Variants in DCHS2 observed in about 807,000 individuals in gnomAD.
DCHS2 encodes the protein protocadherin-23.
Under a neutral mutation model 182.4 loss-of-function variants are expected in DCHS2, and 142 were observed. The observed-to-expected ratio is 0.78, with a 90% confidence interval of 0.68 to 0.89. The LOEUF is 0.89. Among genes scored for constraint, DCHS2 ranks in the 40% least tolerant of loss-of-function variants. The pLI is 0.00. For missense variants in DCHS2, 4,319 were observed against 4,198.6 expected (o/e 1.03, Z -0.79); for synonymous variants, 1,740 against 1,663.3 (o/e 1.05, Z -1.12).
chr4:154,299,815 A>G (rs1408581065), intron 12 of DCHS2, among the ~76,000 whole-genome samples: 1 of 152,192 alleles, frequency 6.6e-6, no homozygotes, highest in Admixed American at 6.5e-5. Context: ...ACCTAGCTCC[A>G]AGAGTTCACA....
chr4:154,435,910 G>A (rs1392850215), intron 1 of DCHS2, among the ~76,000 whole-genome samples: 1 of 152,192 alleles, frequency 6.6e-6, no homozygotes, highest in Admixed American at 6.5e-5. Context: ...AAAAAGTGAA[G>A]GTCAAGGCAG....
At chr4:154,295,341 A>G (rs367692151) in intron 13 of DCHS2, among the ~76,000 whole-genome samples, 1 of 152,356 alleles carries the variant, frequency 6.6e-6, no homozygotes, top group Admixed American at 6.5e-5. Flanking sequence ...GCTCATTCCA[A>G]TGAATTTATA....
chr4:154,379,670 A>G (rs1034748288), intron 1 of DCHS2, among the ~76,000 whole-genome samples: 4 of 152,206 alleles, frequency 2.6e-5, no homozygotes, highest in Non-Finnish European at 4.4e-5. Flanking sequence ...TGCTCTTATT[A>G]TACTCATTTA....
In DCHS2 at chr4:154,332,733, T is replaced by C. The variant is rs1461398763; in HGVS notation, c.3475A>G (p.Arg1159Gly). Residue 1159 changes from arginine to glycine, a missense_variant, in exon 5 of 20, where the codon AGA becomes GGA. Coordinates refer to ENST00000357232, the MANE Select transcript of DCHS2 (RefSeq NM_001358235.2). ...TCCTCGGGGATCCAAGCAAACACTC[T>C]AAAATTATATGTTTGGGTGGATTCA... is the stretch of plus-strand genomic sequence containing the variant. ...DYESTQTYNF[R>G]VFAWIPEDGF... is the part of the protein sequence containing the mutation. 1 of 1,614,198 alleles carries C rather than the reference T, an allele frequency of 6.2e-7. No individual in the cohort carries two copies. The highest frequency in any genetic ancestry group is 8.5e-7 in the Non-Finnish European group (1 of 1,180,030).
At chr4:154,241,391 A>G (rs953512460) in intron 17 of DCHS2, among the ~76,000 whole-genome samples, 1 of 152,210 alleles carries the variant, frequency 6.6e-6, no homozygotes, top group Non-Finnish European at 1.5e-5. Flanking sequence ...ATAGAAAAAC[A>G]AAGTCTACAT....
intron 14 of DCHS2, among the ~76,000 whole-genome samples, chr4:154,268,308 T>C (rs565521928): frequency 6.6e-6 from 1 of 151,608 alleles, no homozygotes; most frequent in South Asian, 2.1e-4. Flanking sequence ...ACTACACTCG[T>C]GCTTTGGGGC....
chr4:154,481,466 A>G (rs1735917428), intron 1 of DCHS2, among the ~76,000 whole-genome samples: 1 of 152,182 alleles, frequency 6.6e-6, no homozygotes, highest in Non-Finnish European at 1.5e-5. Flanking sequence ...TCTGTTGCCC[A>G]GGCTGGTCTC....
chr4:154,435,812 G>A (rs769444766), intron 1 of DCHS2, among the ~76,000 whole-genome samples: 2 of 152,136 alleles, frequency 1.3e-5, no homozygotes, highest in African/African-American at 2.4e-5. Context: ...AATGTTAAAT[G>A]CAAGCTGCAA....
intron 5 of DCHS2, 59 bp downstream of exon 5, chr4:154,332,419 G>A: frequency 7.3e-7 from 1 of 1,370,930 alleles, no homozygotes; most frequent in Non-Finnish European, 9.9e-7. Context: ...ACTTAAAGAC[G>A]AGTGTGATAG....
In DCHS2 at chr4:154,359,134, A is replaced by C. The variant is rs1217399042; in HGVS notation, c.2476+7076T>G. On this transcript the variant is annotated intron_variant, in intron 3 of 19. Transcript: ENST00000357232. ...CAGTGCAGGGACAAACATTAACTTTAAAAAACGTCATTAATTAACTTACAG... is the reference window on the plus strand; with the variant it reads ...CAGTGCAGGGACAAACATTAACTTTCAAAAACGTCATTAATTAACTTACAG... Among the ~76,000 whole-genome samples, 4 of 152,090 alleles carry C rather than the reference A, an allele frequency of 2.6e-5. No individual in the cohort carries two copies. In the East Asian group the frequency reaches 5.8e-4, roughly 22 times the overall value.
At chr4:154,448,729 G>T (rs1427661388) in intron 1 of DCHS2, among the ~76,000 whole-genome samples, 1 of 152,148 alleles carries the variant, frequency 6.6e-6, no homozygotes, top group Non-Finnish European at 1.5e-5. Context: ...CTTCTTTGTG[G>T]TTTTCACAGA....
chr4:154,275,685 T>C (rs1215111047), intron 13 of DCHS2, among the ~76,000 whole-genome samples: 2 of 152,154 alleles, frequency 1.3e-5, no homozygotes, highest in African/African-American at 4.8e-5. Context: ...ATATAAGTCT[T>C]AAGGATGGCA....
rs183051769 is a variant in DCHS2, at chr4:154,339,920, A to C, written c.2477-4816T>G. ...ATACTGAAAAATATGAAAGGATAGG[A>C]ACTGTTAAGGGAAGTCATCTTTGTG... is the stretch of plus-strand genomic sequence containing the variant. On this transcript the variant is annotated intron_variant, in intron 3 of 19. Transcript: ENST00000357232. Among the ~76,000 whole-genome samples the C allele has an allele frequency of 2.0e-4, 31 of 152,346 alleles. 1 individual carries two copies. In the East Asian group the frequency reaches 3.3e-3, roughly 16 times the overall value.
intron 1 of DCHS2, among the ~76,000 whole-genome samples, chr4:154,401,887 G>A (rs547369321): frequency 1.2e-4 from 19 of 152,226 alleles, no homozygotes; most frequent in African/African-American, 4.1e-4. Flanking sequence ...CCAGCTACTC[G>A]GGAAGCTGAG....
At chr4:154,340,346 A>G (rs1465522741) in intron 3 of DCHS2, among the ~76,000 whole-genome samples, 4 of 152,232 alleles carry the variant, frequency 2.6e-5, no homozygotes, top group Non-Finnish European at 4.4e-5. Context: ...ATAAAGCCGA[A>G]CATGAAAAAT....
chr4:154,420,481 A>T (rs1379105748), intron 1 of DCHS2, among the ~76,000 whole-genome samples: 1 of 152,156 alleles, frequency 6.6e-6, no homozygotes, highest in East Asian at 1.9e-4. Flanking sequence ...GAAGACAATG[A>T]TGTAACTCTC....
At chr4:154,402,311 G>A (rs914359139) in intron 1 of DCHS2, among the ~76,000 whole-genome samples, 2 of 152,130 alleles carry the variant, frequency 1.3e-5, no homozygotes, top group South Asian at 2.1e-4. Context: ...AATCAAGTAG[G>A]GAAAGTTCCC....
At chr4:154,371,233 G>T (rs1242826871) in intron 2 of DCHS2, among the ~76,000 whole-genome samples, 1 of 152,012 alleles carries the variant, frequency 6.6e-6, no homozygotes, top group African/African-American at 2.4e-5. Flanking sequence ...AAGTATCTAT[G>T]GTATAGTCAG....
chr4:154,462,132 T>C (rs957913616), intron 1 of DCHS2, among the ~76,000 whole-genome samples: 5 of 152,190 alleles, frequency 3.3e-5, no homozygotes, highest in African/African-American at 1.2e-4. Flanking sequence ...TCTTTTATTA[T>C]CCAGAATTTT....
Sources: allele counts gnomAD v4.1 joint callset (sites outside exome capture counted in the v4.1 genomes callset), GRCh38; gene constraint gnomAD v4.1.1; transcripts MANE v1.5; gene names NCBI Gene and HGNC (gene_info 2026-07-23, HGNC 2026-07-21).